Variants in SCARB2 observed in about 807,000 individuals in gnomAD.
The protein encoded by SCARB2 is lysosome membrane protein 2.
In SCARB2, 29 loss-of-function variants were observed where a neutral mutation model predicts 58.6. The ratio of observed to expected loss-of-function variants is 0.49; its 90% CI spans 0.37 to 0.67. The LOEUF (loss-of-function observed/expected upper bound fraction) is 0.67. SCARB2 is among the 30% of genes least tolerant of loss of function. The probability of loss-of-function intolerance (pLI) is 0.00; values close to 1 mark genes in which losing one functional copy is unlikely to be tolerated. For synonymous variants in SCARB2, 195 were observed against 210.1 expected, an observed-to-expected ratio of 0.93 and a Z score of 0.62; for missense variants, 488 against 578.5, an observed-to-expected ratio of 0.84 and a Z score of 1.60.
At chr4:76,223,419 A>G (rs76896636) in intron 1 of SCARB2, among the ~76,000 whole-genome samples, 1 of 152,188 alleles carries the variant, frequency 6.6e-6, no homozygotes, top group Admixed American at 6.5e-5. Context: ...GAATTCATCA[A>G]AATTTGGCTG....
intron 2 of SCARB2, among the ~76,000 whole-genome samples, chr4:76,190,083 A>G (rs560569083): frequency 6.6e-6 from 1 of 150,376 alleles, no homozygotes; most frequent in African/African-American, 2.5e-5. Flanking sequence ...ATCTCAGCTC[A>G]CTGCAACCTC....
chr4:76,162,630 T>G (rs568500254), intron 11 of SCARB2: 1 of 158,998 alleles, frequency 6.3e-6, no homozygotes, highest in South Asian at 1.9e-4. Context: ...CAGGGATTCT[T>G]TCCAAGCAGG....
chr4:76,184,353 GC>G (rs1202099241), intron 2 of SCARB2, among the ~76,000 whole-genome samples: 3 of 152,174 alleles, frequency 2.0e-5, no homozygotes, highest in African/African-American at 7.2e-5. Flanking sequence ...TAAATTACAT[GC>G]CCTTCCAGTT....
At chr4:76,234,276 TGA>T (rs1245089384) in intron 1 of SCARB2, 1 of 152,336 alleles carries the variant, frequency 6.6e-6, no homozygotes, top group Non-Finnish European at 1.5e-5. Context: ...GGAGCAACAG[TGA>T]GAGGTTTTGA....
chr4:76,217,659 A>G, upstream of SCARB2: 1 of 652,320 alleles, frequency 1.5e-6, no homozygotes, highest in Non-Finnish European at 2.8e-6. Flanking sequence ...CCATGAGCCA[A>G]ATAAACCTCT....
intron 1 of SCARB2, among the ~76,000 whole-genome samples, chr4:76,202,551 G>A (rs147244274): frequency 0.023 from 3,512 of 152,134 alleles, 122 homozygotes; most frequent in African/African-American, 0.08. Flanking sequence ...GTGAGCCACC[G>A]TGCCCAGCCT....
intron 1 of SCARB2, among the ~76,000 whole-genome samples, chr4:76,198,632 G>A (rs1443630823): frequency 6.6e-6 from 1 of 152,146 alleles, no homozygotes; most frequent in Non-Finnish European, 1.5e-5. Flanking sequence ...CACCCCCACA[G>A]CCCTTCTCTG....
At chr4:76,213,285 C>T in intron 1 of SCARB2, 142 bp downstream of exon 1, 1 of 713,344 alleles carries the variant, frequency 1.4e-6, no homozygotes, top group East Asian at 2.7e-5. Flanking sequence ...GCCTACCAAG[C>T]CCTGGAAGAC....
At chr4:76,203,951 G>C (rs1165355505) in intron 1 of SCARB2, among the ~76,000 whole-genome samples, 2 of 152,190 alleles carry the variant, frequency 1.3e-5, no homozygotes, top group African/African-American at 4.8e-5. Flanking sequence ...GAGCACTACT[G>C]GTTGTTCTTT....
intron 1 of SCARB2, among the ~76,000 whole-genome samples, chr4:76,202,731 A>C (rs1215933971): frequency 6.6e-6 from 1 of 152,116 alleles, no homozygotes; most frequent in Non-Finnish European, 1.5e-5. Context: ...TGGTCTAGTC[A>C]TATATATGTG....
chr4:76,190,011 T>C lies in SCARB2; in HGVS notation c.275+5696A>G, dbSNP rs555048815. ...GCTATAAAGTGGTATACTTGACACT[T>C]TTTTTTTTTTTTTTGAGATGGGGGT... On this transcript the variant is annotated intron_variant, in intron 2 of 11. Transcript: ENST00000264896. Among the ~76,000 whole-genome samples, 323 of 127,088 alleles carry C rather than the reference T, an allele frequency of 2.5e-3. 1 individual carries two copies. Among genetic ancestry groups the C allele is most frequent in the African/African-American group, 0.013 (305 of 23,312 alleles). 83.4% of individuals were successfully genotyped at this position (127,088 alleles called of 152,430 possible). A position where few individuals can be genotyped will look rare whatever the true frequency, so the allele number is the denominator to read the frequency against.
chr4:76,172,027 A>C (rs953428304), intron 7 of SCARB2, among the ~76,000 whole-genome samples: 1 of 149,112 alleles, frequency 6.7e-6, no homozygotes, highest in African/African-American at 2.4e-5. Context: ...CTATATACAT[A>C]TATATTAAAA....
chr4:76,163,639 A>G (rs1731944905), intron 10 of SCARB2: 1 of 534,366 alleles, frequency 1.9e-6, no homozygotes, highest in African/African-American at 1.9e-5. Context: ...AGAAATATTG[A>G]GACAGTATCA....
At chr4:76,226,253 G>A (rs1203758796) in intron 1 of SCARB2, among the ~76,000 whole-genome samples, 4 of 152,176 alleles carry the variant, frequency 2.6e-5, no homozygotes, top group Non-Finnish European at 5.9e-5. Context: ...TGGTGAGGAC[G>A]TGTGGACATG....
intron 1 of SCARB2, among the ~76,000 whole-genome samples, chr4:76,230,646 A>T (rs997398511): frequency 3.3e-5 from 5 of 152,226 alleles, no homozygotes; most frequent in Admixed American, 6.5e-5. Flanking sequence ...GGGGTATGTG[A>T]GAGAGAGAGG....
chr4:76,197,107 A>G (rs1011128210), intron 1 of SCARB2, among the ~76,000 whole-genome samples: 2 of 152,206 alleles, frequency 1.3e-5, no homozygotes, highest in Non-Finnish European at 2.9e-5. Context: ...AACTCTGCCA[A>G]TACCTTGATC....
At chr4:76,174,601 A>G (rs989234265) in intron 6 of SCARB2, 1 of 390,390 alleles carries the variant, frequency 2.6e-6, no homozygotes, top group African/African-American at 2.1e-5. Context: ...CACATAAAAA[A>G]GAAATAAGAG....
chr4:76,204,758 T>C (rs1052093693), intron 1 of SCARB2, among the ~76,000 whole-genome samples: 9 of 152,168 alleles, frequency 5.9e-5, no homozygotes, highest in African/African-American at 1.9e-4. Flanking sequence ...TGTGTGTAAC[T>C]TGCACAGCCA....
intron 1 of SCARB2, among the ~76,000 whole-genome samples, chr4:76,226,309 G>A (rs1038265670): frequency 1.3e-4 from 20 of 152,188 alleles, no homozygotes; most frequent in Non-Finnish European, 2.5e-4. Context: ...TAGAAAGGCA[G>A]TGGTGCATCA....
Sources: gnomAD v4.1 joint callset for allele counts (sites outside exome capture counted in the v4.1 genomes callset) on GRCh38, gnomAD v4.1.1 for gene constraint, MANE v1.5 for transcripts, NCBI Gene and HGNC (gene_info 2026-07-23, HGNC 2026-07-21) for gene names.